TYR: variants seen among roughly 807,000 people sequenced by gnomAD.
TYR encodes the protein LB24-AB.
In TYR, 58 loss-of-function variants were observed where a neutral mutation model predicts 51.5. The observed-to-expected ratio is 1.13, with a 90% CI of 0.91 to 1.40. The LOEUF is 1.40. Among genes scored for constraint, TYR ranks in the 40% most tolerant of loss-of-function variants. TYR has a pLI of 0.00. For synonymous variants in TYR, 263 were observed against 235.2 expected (o/e 1.12, Z -1.08); for missense variants, 732 against 647.4 (o/e 1.13, Z -1.42).
intron 4 of TYR, among the ~76,000 whole-genome samples, chr11:89,289,731 A>T (rs1378910690): frequency 6.6e-6 from 1 of 152,060 alleles, no homozygotes; most frequent in Non-Finnish European, 1.5e-5. Context: ...AAAATAAGAC[A>T]TATATAAATA....
At chr11:89,290,548 C>T (rs1944842892) in intron 4 of TYR, among the ~76,000 whole-genome samples, 1 of 151,908 alleles carries the variant, frequency 6.6e-6, no homozygotes, top group African/African-American at 2.4e-5. Context: ...GTATTGTAGT[C>T]CCATTTTCAA....
intron 3 of TYR, among the ~76,000 whole-genome samples, chr11:89,270,563 A>G (rs558485295): frequency 1.3e-5 from 2 of 152,030 alleles, no homozygotes; most frequent in South Asian, 4.1e-4. Context: ...GGGGTTAATG[A>G]ATGGTACAAT....
Position 89,216,463 on chromosome 11 carries a change from G to A in TYR, c.1037-11360G>A, listed in dbSNP as rs544804973. 2.6e-4 allele frequency among the ~76,000 whole-genome samples: 40 copies of A among 151,734 alleles called. 1 individual carries two copies. The South Asian group carries it at 4.0e-3, about 15-fold the overall frequency. ...GCTCTGGAGTTTGACACGAGCCCAG[G>A]CAACATGGTGAAACCCCATCTCTAC... On this transcript the variant is annotated intron_variant, in intron 2 of 4. Coordinates refer to ENST00000263321, the MANE Select transcript of TYR (RefSeq NM_000372.5).
chr11:89,225,263 T>G (rs1258728009), intron 2 of TYR, among the ~76,000 whole-genome samples: 1 of 151,956 alleles, frequency 6.6e-6, no homozygotes, highest in African/African-American at 2.4e-5. Flanking sequence ...TTACCTCACA[T>G]ACTTATTTGA....
At chr11:89,190,710 A>C (rs1490342407) in intron 1 of TYR, among the ~76,000 whole-genome samples, 1 of 152,068 alleles carries the variant, frequency 6.6e-6, no homozygotes, top group Non-Finnish European at 1.5e-5. Flanking sequence ...TTCACTCCTT[A>C]TTCCCTCACT....
At chr11:89,270,390 C>G (rs1944574320) in intron 3 of TYR, among the ~76,000 whole-genome samples, 1 of 151,836 alleles carries the variant, frequency 6.6e-6, no homozygotes, top group Non-Finnish European at 1.5e-5. Context: ...TCTTTTTTCC[C>G]AAGGCATGAA....
intron 1 of TYR, 95 bp downstream of exon 1, chr11:89,178,867 G>A: frequency 7.9e-7 from 1 of 1,262,646 alleles, no homozygotes; most frequent in Non-Finnish European, 1.1e-6. Context: ...AACACTCATT[G>A]CAGCCCCCAT....
Position 89,240,878 on chromosome 11 carries a change from T to A in TYR, c.1184+12908T>A, listed in dbSNP as rs116853063. On this transcript the variant is annotated intron_variant, in intron 3 of 4. Coordinates refer to ENST00000263321, the MANE Select transcript of TYR (RefSeq NM_000372.5). Reference sequence around the variant, plus strand: ...TTTATAGTTAAAATTATTTTTCTCCTCTATTCAGTTTAAGGTTTGACAAGG... The same window carrying A: ...TTTATAGTTAAAATTATTTTTCTCCACTATTCAGTTTAAGGTTTGACAAGG... 9.6e-3 allele frequency among the ~76,000 whole-genome samples: 1,457 copies of A among 152,316 alleles called. 13 individuals carry two copies. Among genetic ancestry groups the A allele is most frequent in the Non-Finnish European group, 0.016 (1,101 of 68,010 alleles).
At chr11:89,277,248 A>T (rs1203200657) in intron 3 of TYR, among the ~76,000 whole-genome samples, 1 of 151,782 alleles carries the variant, frequency 6.6e-6, no homozygotes, top group African/African-American at 2.4e-5. Flanking sequence ...ATAAATAATA[A>T]TAAAAGAAAA....
At chr11:89,193,568 C>A (rs964903294) in intron 2 of TYR, among the ~76,000 whole-genome samples, 8 of 152,014 alleles carry the variant, frequency 5.3e-5, no homozygotes, top group Non-Finnish European at 1.0e-4. Context: ...CACAGTCGTT[C>A]GGTAAGTATC....
chr11:89,200,493 T>C (rs2135260901), intron 2 of TYR: 1 of 152,330 alleles, frequency 6.6e-6, no homozygotes, highest in Non-Finnish European at 1.5e-5. Flanking sequence ...TTATAACTCT[T>C]ACAATATATG....
rs568224571 is a variant in TYR at position 89,232,363 on chromosome 11, A to G, written c.1184+4393A>G. On this transcript the variant is annotated intron_variant, in intron 3 of 4. Transcript: ENST00000263321. The stretch of plus-strand genomic sequence containing the variant: ...ATGTGGTACATTTACACCATGGAAT[A>G]CTATAAGAAAGAACAAAATGATGTC... Among the ~76,000 whole-genome samples, 7 of 143,864 alleles carry G rather than the reference A, an allele frequency of 4.9e-5. 1 individual carries two copies. The South Asian group carries it at 1.4e-3, about 28-fold the overall frequency. The allele number at this position is 143,864 out of a possible 152,430, so 94.4% of individuals were successfully genotyped here. A position where few individuals can be genotyped will look rare whatever the true frequency, so the allele number is the denominator to read the frequency against.
At chr11:89,202,553 C>T (rs1247913855) in intron 2 of TYR, among the ~76,000 whole-genome samples, 1 of 150,494 alleles carries the variant, frequency 6.6e-6, no homozygotes, top group African/African-American at 2.5e-5. Context: ...ACATATACGC[C>T]AATTTGGCAG....
chr11:89,198,342 A>C (rs1296502131), intron 2 of TYR, among the ~76,000 whole-genome samples: 1 of 152,182 alleles, frequency 6.6e-6, no homozygotes, highest in African/African-American at 2.4e-5. Context: ...TTGGAAGGCT[A>C]AACTATTTCC....
At chr11:89,265,950 G>A (rs1944521570) in intron 3 of TYR, among the ~76,000 whole-genome samples, 1 of 151,962 alleles carries the variant, frequency 6.6e-6, no homozygotes, top group Admixed American at 6.6e-5. Context: ...TTTGGCTGGA[G>A]AAGGAAATAA....
chr11:89,291,225 C>G (rs192341660), intron 4 of TYR, among the ~76,000 whole-genome samples: 6 of 152,046 alleles, frequency 3.9e-5, no homozygotes, highest in Admixed American at 2.6e-4. Flanking sequence ...GTGTTTCAGA[C>G]ACTGTACCAG....
At chr11:89,268,428 T>G (rs1944550921) in intron 3 of TYR, among the ~76,000 whole-genome samples, 1 of 151,944 alleles carries the variant, frequency 6.6e-6, no homozygotes, top group Non-Finnish European at 1.5e-5. Context: ...AGCATCACTC[T>G]AGTGAAGAAT....
intron 1 of TYR, among the ~76,000 whole-genome samples, chr11:89,189,272 G>A (rs1384913454): frequency 6.6e-6 from 1 of 151,970 alleles, no homozygotes; most frequent in African/African-American, 2.4e-5. Flanking sequence ...GTTTTGTGAT[G>A]TAAATGAAAC....
chr11:89,245,700 A>G (rs1368223985), intron 3 of TYR, among the ~76,000 whole-genome samples: 1 of 152,138 alleles, frequency 6.6e-6, no homozygotes, highest in Non-Finnish European at 1.5e-5. Context: ...AGGCGGGCGG[A>G]TTATGAGGTC....
Sources: allele counts gnomAD v4.1 joint callset (sites outside exome capture counted in the v4.1 genomes callset), GRCh38; gene constraint gnomAD v4.1.1; transcripts MANE v1.5; gene names NCBI Gene and HGNC (gene_info 2026-07-23, HGNC 2026-07-21).